The following IFT140 variants were observed in gnomAD, a reference collection of about 807,000 sequenced individuals.
IFT140 encodes intraflagellar transport protein 140 homolog.
Under a neutral mutation model 164.6 loss-of-function variants are expected in IFT140, and 133 were observed. The ratio of observed to expected loss-of-function variants is 0.81; its 90% CI spans 0.70 to 0.93. The LOEUF (loss-of-function observed/expected upper bound fraction) is 0.93. Ranked by LOEUF, IFT140 falls within the 40% of genes least tolerant of loss-of-function variation. IFT140 has a pLI of 0.00. For missense variants in IFT140, 2,045 were observed against 1,972.3 expected, an observed-to-expected ratio of 1.04 and a Z score of -0.70; for synonymous variants, 860 against 817.3, an observed-to-expected ratio of 1.05 and a Z score of -0.89.
At chr16:1,586,107 C>G in intron 10 of IFT140, 23 bp downstream of exon 10, 1 of 1,608,524 alleles carries the variant, frequency 6.2e-7, no homozygotes, top group Non-Finnish European at 8.5e-7. Context: ...AATGAGTGCA[C>G]CGAACACCCT....
At chr16:1,597,460 G>T (rs1001348471) in intron 4 of IFT140, among the ~76,000 whole-genome samples, 1 of 152,184 alleles carries the variant, frequency 6.6e-6, no homozygotes, top group Non-Finnish European at 1.5e-5. Flanking sequence ...ATACCCCAGC[G>T]GCCTCAGGTT....
At chr16:1,590,820 G>A (rs1039205397) in intron 6 of IFT140, among the ~76,000 whole-genome samples, 3 of 152,098 alleles carry the variant, frequency 2.0e-5, no homozygotes, top group Non-Finnish European at 4.4e-5. Flanking sequence ...GGCTGGAGTA[G>A]AGTGACATGA....
intron 18 of IFT140, among the ~76,000 whole-genome samples, chr16:1,561,781 C>T (rs2033421652): frequency 6.6e-6 from 1 of 152,192 alleles, no homozygotes; most frequent in Non-Finnish European, 1.5e-5. Flanking sequence ...AAAACCACTT[C>T]CAATTCTCCC....
chr16:1,584,459 G>A (rs761170198), intron 10 of IFT140, 39 bp from the exon 11 acceptor site: 12 of 1,514,442 alleles, frequency 7.9e-6, no homozygotes, highest in Non-Finnish European at 1.1e-5. Context: ...CCAGATGTGT[G>A]AACAGAGCAG....
intron 19 of IFT140, among the ~76,000 whole-genome samples, chr16:1,546,970 C>G (rs922463462): frequency 6.6e-6 from 1 of 152,218 alleles, no homozygotes; most frequent in Non-Finnish European, 1.5e-5. Context: ...GTCCCCCAGT[C>G]GGTGCTCACA....
intron 29 of IFT140, among the ~76,000 whole-genome samples, chr16:1,519,187 G>A (rs1317593682): frequency 6.6e-6 from 1 of 152,210 alleles, no homozygotes; most frequent in Non-Finnish European, 1.5e-5. Flanking sequence ...CCTTCCAAGG[G>A]GCACCGCTTT....
At chr16:1,603,279 G>C (rs1160209658) in intron 3 of IFT140, among the ~76,000 whole-genome samples, 1 of 152,148 alleles carries the variant, frequency 6.6e-6, no homozygotes, top group Admixed American at 6.5e-5. Context: ...GGTGAGGTTT[G>C]TGGCCCCAGG....
chr16:1,579,423 G>A (rs2034440176), intron 13 of IFT140: 1 of 152,256 alleles, frequency 6.6e-6, no homozygotes. Context: ...CCTCATGCTG[G>A]AAGAGGCAAG....
At chr16:1,550,304 G>A (rs1186095915) in intron 19 of IFT140, among the ~76,000 whole-genome samples, 1 of 152,180 alleles carries the variant, frequency 6.6e-6, no homozygotes, top group East Asian at 1.9e-4. Context: ...GCCTGAGCTC[G>A]TGTTTATGGC....
At position 1,583,367 on chromosome 16, in the gene IFT140, T is replaced by G; in HGVS notation, c.1379A>C (p.Asn460Thr). ...FATKDAVAVWNGRQVAIFELS... is the reference protein window; with the variant it reads ...FATKDAVAVWTGRQVAIFELS... ...CTCGAAGATCGCCACCTGCCTTCCG[T>G]TCCAGACTGCGACAGCATCCTGAAA... The change falls in exon 12 of 31, where the codon AAC becomes ACC. Residue 460 changes from asparagine to threonine, a missense_variant. Asn to Thr is a moderately conservative substitution (Grantham distance 65). Coordinates refer to ENST00000426508, the MANE Select transcript of IFT140 (RefSeq NM_014714.4). The G allele has an allele frequency of 6.2e-7, 1 of 1,614,094 alleles. No homozygotes were observed. Among genetic ancestry groups the G allele is most frequent in the Non-Finnish European group, 8.5e-7 (1 of 1,180,022 alleles).
chr16:1,548,884 A>G (rs979051600), intron 19 of IFT140, among the ~76,000 whole-genome samples: 3 of 152,096 alleles, frequency 2.0e-5, no homozygotes, highest in Non-Finnish European at 2.9e-5. Flanking sequence ...ATTTCCGTGT[A>G]TTTGTTGGCT....
intron 15 of IFT140, 68 bp from the exon 16 acceptor site, chr16:1,566,359 G>A: frequency 6.5e-7 from 1 of 1,529,398 alleles, no homozygotes; most frequent in Non-Finnish European, 9.0e-7. Flanking sequence ...GGCTGTGCTA[G>A]GGGACTGACA....
chr16:1,527,533 G>C (rs2040745043), intron 19 of IFT140, among the ~76,000 whole-genome samples: 1 of 152,190 alleles, frequency 6.6e-6, no homozygotes, highest in African/African-American at 2.4e-5. Flanking sequence ...GCTGCGTCAG[G>C]GCACAGGTGC....
intron 19 of IFT140, chr16:1,542,147 T>C: frequency 6.9e-7 from 1 of 1,453,782 alleles, no homozygotes. Context: ...AGGAGGGTCC[T>C]GAGGCCTTGG....
chr16:1,533,854 G>A lies in IFT140; in HGVS notation c.2400-7058C>T. ...GCCCGGAGCCTGGCACTCACAGCAG[G>A]CCGGTGCTAAGGAGTGTGGCGCGGG... On this transcript the variant is annotated intron_variant, in intron 19 of 30. Coordinates refer to ENST00000426508, the MANE Select transcript of IFT140 (RefSeq NM_014714.4). This position sits in a 1 kb window ranked among gnomAD's most constrained non-coding sequence, Gnocchi z 4.7. 4.2e-6 allele frequency: 1 copy of A among 237,056 alleles called. No homozygotes were observed. Among genetic ancestry groups the A allele is most frequent in the South Asian group, 5.1e-5 (1 of 19,502 alleles). 14.7% of individuals were successfully genotyped at this position (237,056 alleles called of 1,614,324 possible). A position where few individuals can be genotyped will look rare whatever the true frequency, so the allele number is the denominator to read the frequency against.
At chr16:1,537,341 G>T (rs1381598192) in intron 19 of IFT140, among the ~76,000 whole-genome samples, 1 of 152,220 alleles carries the variant, frequency 6.6e-6, no homozygotes, top group Non-Finnish European at 1.5e-5. Context: ...GTGCCCTGAG[G>T]CCCTGCCCCA....
At chr16:1,527,082 T>G in intron 19 of IFT140, 1 of 449,256 alleles carries the variant, frequency 2.2e-6, no homozygotes. Flanking sequence ...CCTTTTTCCC[T>G]GCTCTAAGCG....
Position 1,510,813 on chromosome 16 carries a change from C to T in IFT140, c.*131G>A. On this transcript the variant is annotated 3_prime_UTR_variant, in exon 31 of 31. Coordinates refer to ENST00000426508, the MANE Select transcript of IFT140 (RefSeq NM_014714.4). ...GCCGGCCCGGGCCGCTGCGTTCTCG[C>T]CCAGCTCTGTCGCGTATTCCAACAC... The T allele has an allele frequency of 1.1e-6, 1 of 887,840 alleles. No homozygotes were observed. Among genetic ancestry groups the T allele is most frequent in the Non-Finnish European group, 1.8e-6 (1 of 563,286 alleles). 55.0% of individuals were successfully genotyped at this position (887,840 alleles called of 1,614,324 possible). A position where few individuals can be genotyped will look rare whatever the true frequency, so the allele number is the denominator to read the frequency against.
At chr16:1,609,357 C>T (rs908424532) in intron 2 of IFT140, among the ~76,000 whole-genome samples, 1 of 152,176 alleles carries the variant, frequency 6.6e-6, no homozygotes, top group Non-Finnish European at 1.5e-5. Context: ...AAGGTTCCCC[C>T]CGGCTTTGGG....
Sources: allele counts gnomAD v4.1 joint callset (sites outside exome capture counted in the v4.1 genomes callset), GRCh38; gene constraint gnomAD v4.1.1; non-coding constraint Gnocchi (gnomAD v3.1); transcripts MANE v1.5; gene names NCBI Gene and HGNC (gene_info 2026-07-23, HGNC 2026-07-21).